The following CDK14 variants were observed in gnomAD, a reference collection of about 807,000 sequenced individuals.
CDK14 encodes cyclin dependent kinase 14, also known as cyclin-dependent kinase 14.
A neutral mutation model predicts 60.7 loss-of-function variants in CDK14; 34 were observed. That is an observed-to-expected ratio of 0.56 (90% CI 0.43 to 0.75). CDK14 has a LOEUF of 0.75. Ranked by LOEUF, CDK14 falls within the 30% of genes least tolerant of loss-of-function variation. The probability of loss-of-function intolerance (pLI) is 0.00; values close to 1 mark genes in which losing one functional copy is unlikely to be tolerated. For synonymous variants in CDK14, 197 were observed against 203.7 expected (o/e 0.97, Z 0.28); for missense variants, 482 against 564.1 (o/e 0.85, Z 1.47).
chr7:91,135,097 A>G (rs962403675), intron 14 of CDK14, among the ~76,000 whole-genome samples: 1 of 152,060 alleles, frequency 6.6e-6, no homozygotes, highest in Non-Finnish European at 1.5e-5. Flanking sequence ...TTCATTATTC[A>G]GTAAGCTCTG....
chr7:90,722,226 A>G (rs778397502), intron 2 of CDK14, among the ~76,000 whole-genome samples: 36 of 143,250 alleles, frequency 2.5e-4, no homozygotes, highest in African/African-American at 6.6e-4. Context: ...GGGTCTCACT[A>G]TGTTGCCCAG....
At chr7:90,811,461 A>T (rs960374369) in intron 5 of CDK14, among the ~76,000 whole-genome samples, 13 of 152,274 alleles carry the variant, frequency 8.5e-5, no homozygotes, top group East Asian at 3.9e-4. Flanking sequence ...TATACAAAAA[A>T]TAATTCAAGA....
intron 2 of CDK14, among the ~76,000 whole-genome samples, chr7:90,691,843 T>C (rs1584796469): frequency 1.3e-5 from 2 of 152,240 alleles, no homozygotes; most frequent in African/African-American, 4.8e-5. Context: ...TGCTAACAGA[T>C]TGGATATCAA....
intron 14 of CDK14, among the ~76,000 whole-genome samples, chr7:91,132,000 T>TGTTGGTTGGTTGGTTGGTTG (rs3038327): frequency 2.0e-5 from 3 of 150,648 alleles, no homozygotes; most frequent in African/African-American, 7.3e-5. Flanking sequence ...GAAGTTTTTT[T>TGTTGGTTGGTTGGTTGGTTG]GTTGGTTGGT....
At chr7:90,639,566 T>C (rs895914717) in intron 2 of CDK14, among the ~76,000 whole-genome samples, 1 of 151,842 alleles carries the variant, frequency 6.6e-6, no homozygotes, top group Non-Finnish European at 1.5e-5. Context: ...GTTAGGCTGC[T>C]CGGGGGTCAG....
intron 7 of CDK14, among the ~76,000 whole-genome samples, chr7:90,916,384 T>A (rs970624959): frequency 2.6e-5 from 4 of 152,210 alleles, no homozygotes; most frequent in Non-Finnish European, 5.9e-5. Flanking sequence ...AATAATCATC[T>A]CAAGCCTTTA....
chr7:90,624,299 C>T (rs17867003), intron 2 of CDK14, among the ~76,000 whole-genome samples: 3,248 of 152,228 alleles, frequency 0.021, 54 homozygotes, highest in Non-Finnish European at 0.03. Flanking sequence ...AGGTATGTGA[C>T]CTAGAAACCC....
chr7:90,811,992 A>G, intron 5 of CDK14, among the ~76,000 whole-genome samples: 1 of 152,222 alleles, frequency 6.6e-6, no homozygotes, highest in South Asian at 2.1e-4. Context: ...GATGTGGAGA[A>G]ATAGGAACAC....
At chr7:91,198,315 G>A (rs6962219) in intron 14 of CDK14, among the ~76,000 whole-genome samples, 7,758 of 152,192 alleles carry the variant, frequency 0.051, 317 homozygotes, top group Admixed American at 0.14. Context: ...CTTGATAAGC[G>A]CAGCACTCAG....
intron 11 of CDK14, among the ~76,000 whole-genome samples, chr7:91,056,248 C>T (rs560824986): frequency 3.3e-4 from 50 of 152,116 alleles, no homozygotes; most frequent in African/African-American, 1.1e-3. Flanking sequence ...CCAGTTTGAC[C>T]GGGGATTCCA....
intron 14 of CDK14, among the ~76,000 whole-genome samples, chr7:91,159,648 C>A (rs1801104968): frequency 6.6e-6 from 1 of 152,172 alleles, no homozygotes; most frequent in Non-Finnish European, 1.5e-5. Context: ...GGGCTCCAGA[C>A]CACAGTAATC....
intron 5 of CDK14, among the ~76,000 whole-genome samples, chr7:90,823,567 G>A (rs899596335): frequency 5.3e-5 from 8 of 152,144 alleles, no homozygotes; most frequent in African/African-American, 7.2e-5. Flanking sequence ...TGATCAGATC[G>A]GAAAGGTGCA....
At chr7:90,731,889 G>T (rs1802880441) in intron 3 of CDK14, among the ~76,000 whole-genome samples, 1 of 151,964 alleles carries the variant, frequency 6.6e-6, no homozygotes, top group South Asian at 2.1e-4. Context: ...GAATAGGAGG[G>T]GTGAGAGAGG....
intron 2 of CDK14, among the ~76,000 whole-genome samples, chr7:90,673,098 A>G (rs1417117643): frequency 6.6e-6 from 1 of 152,144 alleles, no homozygotes; most frequent in Non-Finnish European, 1.5e-5. Flanking sequence ...GAAATTTTCA[A>G]CTGGTTCCAT....
chr7:90,918,005 A>G (rs189809343), intron 8 of CDK14, among the ~76,000 whole-genome samples: 65 of 152,308 alleles, frequency 4.3e-4, no homozygotes, highest in Admixed American at 1.3e-3. Flanking sequence ...TAAAATTTTG[A>G]ACATAAAATA....
chr7:91,015,632 A>T (rs958992331), intron 10 of CDK14, among the ~76,000 whole-genome samples: 2 of 141,278 alleles, frequency 1.4e-5, no homozygotes, highest in African/African-American at 2.7e-5. Flanking sequence ...GGTTCAAGCC[A>T]TTCTCCTGCT....
chr7:90,646,829 A>G (rs1467923449), intron 2 of CDK14, among the ~76,000 whole-genome samples: 3 of 152,274 alleles, frequency 2.0e-5, no homozygotes, highest in Middle Eastern at 6.8e-3. Context: ...TAGGTTGTTT[A>G]TTGGGTTTTA....
At chr7:90,778,941 C>G (rs1805181017) in intron 4 of CDK14, among the ~76,000 whole-genome samples, 1 of 145,448 alleles carries the variant, frequency 6.9e-6, no homozygotes, top group Non-Finnish European at 1.5e-5. Flanking sequence ...TTTTCTTTCT[C>G]TCTTCTTTTC....
intron 10 of CDK14, among the ~76,000 whole-genome samples, chr7:91,016,866 T>G (rs942102753): frequency 1.3e-5 from 2 of 152,064 alleles, no homozygotes; most frequent in Non-Finnish European, 2.9e-5. Flanking sequence ...CATACACCAG[T>G]GAAGGCACAG....
Sources: gnomAD v4.1 joint callset for allele counts (sites outside exome capture counted in the v4.1 genomes callset) on GRCh38, gnomAD v4.1.1 for gene constraint, MANE v1.5 for transcripts, NCBI Gene and HGNC (gene_info 2026-07-23, HGNC 2026-07-21) for gene names.